The following TENM4 variants were observed in gnomAD, a reference collection of about 807,000 sequenced individuals.
The protein encoded by TENM4 is teneurin-4.
In TENM4, 82 loss-of-function variants were observed where a neutral mutation model predicts 243.3. The observed-to-expected ratio is 0.34, with a 90% CI of 0.28 to 0.40. TENM4 has a LOEUF of 0.40. TENM4 is among the 10% of genes least tolerant of loss of function. The pLI is 1.00. For missense variants in TENM4, 3,138 were observed against 3,673.3 expected (o/e 0.85, Z 3.77); for synonymous variants, 1,412 against 1,456.3 (o/e 0.97, Z 0.69).
At chr11:78,947,387 T>G (rs1857022333) in intron 6 of TENM4, among the ~76,000 whole-genome samples, 1 of 152,132 alleles carries the variant, frequency 6.6e-6, no homozygotes, top group African/African-American at 2.4e-5. Flanking sequence ...GCAGCTTCTG[T>G]GTGTGACTGG....
chr11:78,749,338 T>C (rs948033061), intron 19 of TENM4: 2 of 150,400 alleles, frequency 1.3e-5, no homozygotes, highest in East Asian at 1.9e-4. Flanking sequence ...CATCAGGTAA[T>C]TTATCATTGT....
chr11:79,429,773 A>C (rs567645046), intron 1 of TENM4, among the ~76,000 whole-genome samples: 22 of 152,322 alleles, frequency 1.4e-4, no homozygotes, highest in African/African-American at 5.3e-4. Flanking sequence ...TACCTCAATA[A>C]ATTACTTCTA....
At chr11:78,916,038 G>T (rs547999697) in intron 6 of TENM4, among the ~76,000 whole-genome samples, 1 of 152,256 alleles carries the variant, frequency 6.6e-6, no homozygotes, top group South Asian at 2.1e-4. Flanking sequence ...CATACACACT[G>T]GTCATATTAC....
chr11:78,805,802 T>C (rs767313023), intron 14 of TENM4, among the ~76,000 whole-genome samples: 29 of 152,310 alleles, frequency 1.9e-4, no homozygotes, highest in South Asian at 2.1e-4. Flanking sequence ...TCCTAGAACA[T>C]TGCCTAGCAC....
At chr11:78,912,098 A>C (rs1321772687) in intron 6 of TENM4, among the ~76,000 whole-genome samples, 1 of 152,224 alleles carries the variant, frequency 6.6e-6, no homozygotes. Context: ...AAAGGCCCAC[A>C]GGCTGAAAGA....
intron 6 of TENM4, among the ~76,000 whole-genome samples, chr11:78,933,113 A>G (rs979937825): frequency 6.6e-6 from 1 of 152,092 alleles, no homozygotes; most frequent in African/African-American, 2.4e-5. Flanking sequence ...CACAACCTAT[A>G]AATTTGAAGC....
chr11:79,024,043 C>T (rs1041776211), intron 6 of TENM4, among the ~76,000 whole-genome samples: 2 of 152,192 alleles, frequency 1.3e-5, no homozygotes, highest in African/African-American at 4.8e-5. Flanking sequence ...AAGATTCAAC[C>T]TGATCTATGA....
chr11:79,289,220 G>A (rs1337726910), intron 2 of TENM4, among the ~76,000 whole-genome samples: 1 of 152,196 alleles, frequency 6.6e-6, no homozygotes, highest in Non-Finnish European at 1.5e-5. Context: ...AAAAAATTCT[G>A]AGCCCTCATC....
chr11:78,746,041 C>T (rs926448077), intron 19 of TENM4, among the ~76,000 whole-genome samples: 2 of 152,146 alleles, frequency 1.3e-5, no homozygotes, highest in Non-Finnish European at 1.5e-5. Context: ...CAACCTCTAC[C>T]TCCAGGGTTC....
intron 1 of TENM4, among the ~76,000 whole-genome samples, chr11:79,329,106 G>T (rs1857020325): frequency 6.6e-6 from 1 of 152,220 alleles, no homozygotes; most frequent in Non-Finnish European, 1.5e-5. Flanking sequence ...AAGCCATGGA[G>T]AATTCTGGGC....
At chr11:78,895,658 T>C (rs575968875) in intron 7 of TENM4, among the ~76,000 whole-genome samples, 3 of 152,330 alleles carry the variant, frequency 2.0e-5, no homozygotes, top group South Asian at 4.1e-4. Context: ...CCTTGGGTCA[T>C]AGTCACGCAG....
chr11:79,361,647 C>T (rs1376213726), intron 1 of TENM4, among the ~76,000 whole-genome samples: 1 of 151,996 alleles, frequency 6.6e-6, no homozygotes, highest in African/African-American at 2.4e-5. Context: ...CTGCAGAGAC[C>T]CTGAATGGCA....
intron 1 of TENM4, among the ~76,000 whole-genome samples, chr11:79,332,983 C>T (rs1008810218): frequency 5.3e-5 from 8 of 152,166 alleles, no homozygotes; most frequent in Non-Finnish European, 1.2e-4. Context: ...TGTCAACCTT[C>T]AACAGTGAAT....
chr11:78,657,369 T>C lies in TENM4; in HGVS notation c.*689A>G. The stretch of plus-strand genomic sequence containing the variant: ...GACAACTACACAGGATTTGCAAAAG[T>C]GGTAGGGGGTTTCATTCAGCATCAA... On this transcript the variant is annotated 3_prime_UTR_variant, in exon 34 of 34. Coordinates refer to ENST00000278550, the MANE Select transcript of TENM4 (RefSeq NM_001098816.3). The C allele has an allele frequency of 2.5e-6, 1 of 397,470 alleles. No homozygotes were observed. The highest frequency in any genetic ancestry group is 4.4e-6 in the Non-Finnish European group (1 of 226,206). The allele number at this position is 397,470 out of a possible 1,614,324, so 24.6% of individuals were successfully genotyped here.
chr11:79,278,557 G>A (rs1034049174), intron 2 of TENM4, among the ~76,000 whole-genome samples: 5 of 152,316 alleles, frequency 3.3e-5, no homozygotes, highest in African/African-American at 9.6e-5. Flanking sequence ...TCCAGACATC[G>A]GAAGAGCTTT....
intron 6 of TENM4, among the ~76,000 whole-genome samples, chr11:79,056,582 C>A (rs1054453739): frequency 6.6e-6 from 1 of 151,820 alleles, no homozygotes; most frequent in African/African-American, 2.4e-5. Context: ...CTTGAGGCAA[C>A]CAAGCAGAAG....
chr11:79,038,410 T>A (rs534833703), intron 6 of TENM4, among the ~76,000 whole-genome samples: 1 of 152,234 alleles, frequency 6.6e-6, no homozygotes, highest in African/African-American at 2.4e-5. Context: ...TCTTTAACTG[T>A]CTGTACTTCT....
intron 18 of TENM4, 135 bp from the exon 19 acceptor site, chr11:78,757,156 C>A: frequency 3.3e-6 from 3 of 896,834 alleles, no homozygotes; most frequent in South Asian, 3.5e-5. Context: ...AAGCCAAAGT[C>A]TTTGCTGGGC....
chr11:79,098,229 C>A (rs896318388), intron 4 of TENM4, among the ~76,000 whole-genome samples: 3 of 151,578 alleles, frequency 2.0e-5, no homozygotes, highest in Non-Finnish European at 2.9e-5. Context: ...CCACCCCCCC[C>A]CATCTCCCAG....
Sources: allele counts gnomAD v4.1 joint callset (sites outside exome capture counted in the v4.1 genomes callset), GRCh38; gene constraint gnomAD v4.1.1; transcripts MANE v1.5; gene names NCBI Gene and HGNC (gene_info 2026-07-23, HGNC 2026-07-21).